DLGAP2: variants seen among roughly 807,000 people sequenced by gnomAD.
DLGAP2 encodes the protein DLG associated protein 2.
DLGAP2 carries 26 observed loss-of-function variants against 100.3 expected under a neutral mutation model. That is an observed-to-expected ratio of 0.26 (90% confidence interval 0.19 to 0.36). The LOEUF (loss-of-function observed/expected upper bound fraction) is 0.36. Ranked by LOEUF, DLGAP2 falls within the 10% of genes least tolerant of loss-of-function variation. The probability of loss-of-function intolerance (pLI) is 1.00; values close to 1 mark genes in which losing one functional copy is unlikely to be tolerated. For missense variants in DLGAP2, 1,858 were observed against 1,453.2 expected (o/e 1.28, Z -4.53); for synonymous variants, 886 against 630.1 (o/e 1.41, Z -6.08).
chr8:1,084,423 A>G (rs996106466), intron 2 of DLGAP2, among the ~76,000 whole-genome samples: 5 of 152,258 alleles, frequency 3.3e-5, no homozygotes, highest in African/African-American at 1.2e-4. Flanking sequence ...CAATATTTAA[A>G]TGTAAAATAC....
intron 8 of DLGAP2, among the ~76,000 whole-genome samples, chr8:1,644,701 A>T (rs1208883521): frequency 5.3e-5 from 8 of 152,340 alleles, no homozygotes; most frequent in African/African-American, 1.9e-4. Flanking sequence ...AGACATAAAA[A>T]CATTAGATGC....
At chr8:1,469,344 C>T (rs926399044) in intron 3 of DLGAP2, among the ~76,000 whole-genome samples, 11 of 152,228 alleles carry the variant, frequency 7.2e-5, no homozygotes, top group South Asian at 4.1e-4. Flanking sequence ...CGTACGAGAG[C>T]GAAGCGGGCT....
intron 5 of DLGAP2, among the ~76,000 whole-genome samples, chr8:1,555,235 G>C (rs1490264962): frequency 6.6e-6 from 1 of 152,112 alleles, no homozygotes; most frequent in Non-Finnish European, 1.5e-5. Flanking sequence ...AGCCCCTCGA[G>C]TTTCTGGTCT....
At chr8:1,134,677 AAG>A (rs1796367139) in intron 2 of DLGAP2, among the ~76,000 whole-genome samples, 1 of 152,230 alleles carries the variant, frequency 6.6e-6, no homozygotes, top group South Asian at 2.1e-4. Flanking sequence ...TTATAAAGGA[AAG>A]AGGTTTAACT....
At chr8:1,096,880 G>A (rs1350099045) in intron 2 of DLGAP2, among the ~76,000 whole-genome samples, 20 of 142,630 alleles carry the variant, frequency 1.4e-4, no homozygotes. Context: ...GGCATGGAGA[G>A]GTCTCCTCCA....
At chr8:1,223,572 A>C (rs1304469715) in intron 2 of DLGAP2, among the ~76,000 whole-genome samples, 2 of 152,220 alleles carry the variant, frequency 1.3e-5, no homozygotes, top group Admixed American at 6.5e-5. Flanking sequence ...GTTGATCTTC[A>C]CTTTCTCTTT....
chr8:1,018,890 G>C (rs1295410381), intron 2 of DLGAP2: 2 of 152,156 alleles, frequency 1.3e-5, no homozygotes, highest in Admixed American at 6.5e-5. Context: ...GCAATGACAA[G>C]CTGGTGTGGC....
At chr8:990,367 C>T (rs112377326) in intron 2 of DLGAP2, among the ~76,000 whole-genome samples, 109 of 110,352 alleles carry the variant, frequency 9.9e-4, no homozygotes, top group African/African-American at 1.9e-3. Flanking sequence ...TTGCCCGGAC[C>T]CCCTGCACCC....
intron 8 of DLGAP2, among the ~76,000 whole-genome samples, chr8:1,655,890 C>A (rs1798272158): frequency 6.6e-6 from 1 of 152,232 alleles, no homozygotes. Context: ...GCCAGCACAG[C>A]CGTCATGATG....
chr8:1,689,287 G>A (rs763272084), intron 12 of DLGAP2, among the ~76,000 whole-genome samples: 7 of 152,132 alleles, frequency 4.6e-5, no homozygotes, highest in African/African-American at 7.2e-5. Context: ...GGCCATGCCC[G>A]GCACAAGATC....
At chr8:921,345 G>A (rs1170767280) in intron 2 of DLGAP2, among the ~76,000 whole-genome samples, 1 of 152,134 alleles carries the variant, frequency 6.6e-6, no homozygotes. Context: ...GGCCATTTCT[G>A]TGTCCACGTG....
chr8:1,483,226 A>G (rs530128063), intron 3 of DLGAP2, among the ~76,000 whole-genome samples: 1 of 152,134 alleles, frequency 6.6e-6, no homozygotes, highest in Non-Finnish European at 1.5e-5. Context: ...CTTTGTGGGG[A>G]AACTCAGAAG....
intron 4 of DLGAP2, among the ~76,000 whole-genome samples, chr8:1,536,294 G>C (rs553765984): frequency 6.6e-6 from 1 of 152,068 alleles, no homozygotes; most frequent in African/African-American, 2.4e-5. Flanking sequence ...AGTGACTGAC[G>C]ACTTCCCGGG....
intron 3 of DLGAP2, among the ~76,000 whole-genome samples, chr8:1,312,376 C>T (rs1288575065): frequency 1.3e-5 from 2 of 152,178 alleles, no homozygotes; most frequent in African/African-American, 2.4e-5. Flanking sequence ...TTCTGAAAGA[C>T]AGTTAAGAGA....
rs778577221 is a variant in DLGAP2, at chr8:1,549,247, A to C, written c.794A>C (p.Asp265Ala). 2 of 1,609,060 alleles carry C rather than the reference A, an allele frequency of 1.2e-6. No individual in the cohort carries two copies. Among genetic ancestry groups the C allele is most frequent in the Non-Finnish European group, 8.5e-7 (1 of 1,178,612 alleles). The change falls in exon 5 of 15, where the codon GAC (aspartate) becomes GCC (alanine). Residue 265 changes from aspartate to alanine, a missense_variant. Coordinates refer to ENST00000637795, the MANE Select transcript of DLGAP2 (RefSeq NM_001346810.2). ...ACCAAGGCGGACGGCCGGGCGGACG[A>C]CCACCACCACGCCCACCACGCCAAG... ...NGTKADGRAD[D>A]HHHAHHAKHS...
intron 7 of DLGAP2, among the ~76,000 whole-genome samples, chr8:1,627,621 T>C (rs1797538175): frequency 6.6e-6 from 1 of 152,282 alleles, no homozygotes. Flanking sequence ...AAAACAGTGC[T>C]TGAGCTGACC....
intron 3 of DLGAP2, among the ~76,000 whole-genome samples, chr8:1,463,354 G>C (rs548769950): frequency 6.6e-6 from 1 of 152,352 alleles, no homozygotes; most frequent in South Asian, 2.1e-4. Context: ...ACTGCGTTAC[G>C]TGTGTCATAA....
chr8:1,027,883 G>T (rs1584991014), intron 2 of DLGAP2, among the ~76,000 whole-genome samples: 1 of 140,364 alleles, frequency 7.1e-6, no homozygotes, highest in African/African-American at 2.7e-5. Context: ...TATTCTCCAG[G>T]TGGGGTGCCA....
chr8:1,366,979 C>T (rs1320558236), intron 3 of DLGAP2, among the ~76,000 whole-genome samples: 1 of 151,900 alleles, frequency 6.6e-6, no homozygotes, highest in Non-Finnish European at 1.5e-5. Flanking sequence ...ACGCACGTGA[C>T]CACAGACCCC....
Sources: gnomAD v4.1 joint callset for allele counts (sites outside exome capture counted in the v4.1 genomes callset) on GRCh38, gnomAD v4.1.1 for gene constraint, MANE v1.5 for transcripts, NCBI Gene and HGNC (gene_info 2026-07-23, HGNC 2026-07-21) for gene names.